Variants in RBFOX1 observed in about 807,000 individuals in gnomAD.
The protein encoded by RBFOX1 is RNA binding fox-1 homolog 1, also known as RNA binding protein fox-1 homolog 1.
In RBFOX1, 8 loss-of-function variants were observed where a neutral mutation model predicts 57.7. The observed-to-expected ratio is 0.14, with a 90% confidence interval of 0.08 to 0.25. The LOEUF (loss-of-function observed/expected upper bound fraction) is 0.25, where lower values mean the gene tolerates loss of function less well. Among genes scored for constraint, RBFOX1 ranks in the 10% least tolerant of loss-of-function variants. RBFOX1 has a pLI of 1.00. For missense variants in RBFOX1, 611 were observed against 548.5 expected (o/e 1.11, Z -1.14); for synonymous variants, 326 against 222.4 (o/e 1.47, Z -4.15).
At chr16:6,546,993 C>T (rs2096905425) in intron 2 of RBFOX1, among the ~76,000 whole-genome samples, 1 of 152,304 alleles carries the variant, frequency 6.6e-6, no homozygotes, top group East Asian at 1.9e-4. Context: ...TTTCTTGACT[C>T]AAAGTGAGCT....
chr16:6,832,206 C>T (rs2092756812), intron 3 of RBFOX1, among the ~76,000 whole-genome samples: 1 of 151,986 alleles, frequency 6.6e-6, no homozygotes, highest in Non-Finnish European at 1.5e-5. Flanking sequence ...TGTGAGGAGC[C>T]CAAGTGAATA....
rs569683180 is a variant in RBFOX1 at position 7,192,284 on chromosome 16, G to C, written c.27+140186G>C. ...TTGTGCAAGGAGAGAGAGTTTCCTT[G>C]TGAATCTGACGTTAGGGAAAATGTC... is the stretch of plus-strand genomic sequence containing the variant. On this transcript the variant is annotated intron_variant, in intron 4 of 15. Transcript: ENST00000550418. Among the ~76,000 whole-genome samples, 3 of 152,278 alleles carry C rather than the reference G, an allele frequency of 2.0e-5. No individual in the cohort carries two copies. In the South Asian group the frequency reaches 6.2e-4, roughly 32 times the overall value.
At chr16:5,999,901 AAAAAAAG>A (rs2060563701) in intron 4 of RBFOX1, among the ~76,000 whole-genome samples, 4 of 40,254 alleles carry the variant, frequency 9.9e-5, no homozygotes, top group African/African-American at 4.0e-4. Flanking sequence ...AAAAAAAAAA[AAAAAAAG>A]AGTGAAGAAG....
chr16:5,740,847 G>A (rs2052746638), intron 3 of RBFOX1, among the ~76,000 whole-genome samples: 1 of 152,130 alleles, frequency 6.6e-6, no homozygotes, highest in African/African-American at 2.4e-5. Context: ...TGTCTCTGAT[G>A]AGGATTATGT....
At chr16:7,586,334 G>T (rs773035380) in intron 6 of RBFOX1, among the ~76,000 whole-genome samples, 4 of 152,162 alleles carry the variant, frequency 2.6e-5, no homozygotes, top group Non-Finnish European at 5.9e-5. Flanking sequence ...AAGGATTTCA[G>T]ATGATCCGAT....
chr16:6,943,598 C>T (rs1433623333), intron 3 of RBFOX1, among the ~76,000 whole-genome samples: 1 of 151,610 alleles, frequency 6.6e-6, no homozygotes, highest in Non-Finnish European at 1.5e-5. Flanking sequence ...GTCCCAGCTA[C>T]TTGGGAGGCT....
chr16:5,922,871 A>T (rs1379802202), intron 4 of RBFOX1, among the ~76,000 whole-genome samples: 1 of 152,238 alleles, frequency 6.6e-6, no homozygotes, highest in East Asian at 1.9e-4. Context: ...GATTGCAACC[A>T]CTGGGCTTGG....
chr16:6,942,948 C>A (rs752695362), intron 3 of RBFOX1, among the ~76,000 whole-genome samples: 1 of 152,132 alleles, frequency 6.6e-6, no homozygotes, highest in South Asian at 2.1e-4. Flanking sequence ...TCGACATCAC[C>A]ATGTGCTTTT....
At chr16:7,501,309 C>G (rs1308047568) in intron 4 of RBFOX1, among the ~76,000 whole-genome samples, 1 of 152,194 alleles carries the variant, frequency 6.6e-6, no homozygotes, top group Non-Finnish European at 1.5e-5. Context: ...AAATTATCAG[C>G]TCTCTCTCTG....
chr16:7,274,240 C>T (rs1050724187), intron 4 of RBFOX1, among the ~76,000 whole-genome samples: 14 of 152,106 alleles, frequency 9.2e-5, no homozygotes, highest in Admixed American at 2.6e-4. Context: ...TACTATGTTC[C>T]GAGTAATGTT....
intron 3 of RBFOX1, among the ~76,000 whole-genome samples, chr16:6,751,973 C>G (rs2075010721): frequency 6.6e-6 from 1 of 152,060 alleles, no homozygotes; most frequent in African/African-American, 2.4e-5. Context: ...TGTCCTTGCC[C>G]TCAAATCAAG....
intron 2 of RBFOX1, among the ~76,000 whole-genome samples, chr16:6,493,703 C>G (rs928981973): frequency 2.6e-5 from 4 of 152,144 alleles, no homozygotes; most frequent in African/African-American, 9.7e-5. Context: ...GAACTTCATA[C>G]CTTGGGAGAT....
intron 3 of RBFOX1, among the ~76,000 whole-genome samples, chr16:6,886,979 T>A (rs1311656702): frequency 6.6e-6 from 1 of 151,734 alleles, no homozygotes; most frequent in Non-Finnish European, 1.5e-5. Flanking sequence ...TGAAAAAAAA[T>A]GCTCTTGTTC....
In RBFOX1 at chr16:7,252,695, C is replaced by CTT. The variant is rs541617900; in HGVS notation, c.27+200611_27+200612dup. Among the ~76,000 whole-genome samples, 157 of 141,482 alleles carry CTT rather than the reference C, an allele frequency of 1.1e-3. 3 individuals are homozygous for CTT. In the East Asian group the frequency reaches 0.03, roughly 27 times the overall value. The allele number at this position is 141,482 out of a possible 152,430, so 92.8% of individuals were successfully genotyped here. On this transcript the variant is annotated intron_variant, in intron 4 of 15. Transcript: ENST00000550418. ...AGACGTAACCTTTTTCATTTACATC[C>CTT]TTTTTTTTTTTTTTTAAATTTGAGT...
chr16:5,710,957 A>G (rs1324679501), intron 3 of RBFOX1, among the ~76,000 whole-genome samples: 1 of 152,222 alleles, frequency 6.6e-6, no homozygotes, highest in Non-Finnish European at 1.5e-5. Context: ...TATTAAAAAC[A>G]TATTTATTGC....
At chr16:6,094,979 G>A (rs2096226623) in intron 1 of RBFOX1, among the ~76,000 whole-genome samples, 1 of 152,170 alleles carries the variant, frequency 6.6e-6, no homozygotes, top group Admixed American at 6.5e-5. Flanking sequence ...AGAATCGCTG[G>A]AACCCGGGAG....
chr16:6,476,973 C>G (rs570913891), intron 2 of RBFOX1, among the ~76,000 whole-genome samples: 110 of 152,240 alleles, frequency 7.2e-4, no homozygotes, highest in African/African-American at 2.5e-3. Flanking sequence ...TCTGCTGATC[C>G]ATAAGAAGAA....
chr16:5,913,134 A>G (rs1417724360), intron 4 of RBFOX1, among the ~76,000 whole-genome samples: 1 of 152,182 alleles, frequency 6.6e-6, no homozygotes, highest in Non-Finnish European at 1.5e-5. Context: ...TGGTCTAGAA[A>G]TTCAGCTTGT....
chr16:6,450,769 A>G (rs59108850), intron 2 of RBFOX1, among the ~76,000 whole-genome samples: 4,646 of 19,286 alleles, frequency 0.24, 463 homozygotes, highest in African/African-American at 0.31. Context: ...ATATATGTGT[A>G]TATATATATA....
Sources: allele counts gnomAD v4.1 joint callset (sites outside exome capture counted in the v4.1 genomes callset), GRCh38; gene constraint gnomAD v4.1.1; transcripts MANE v1.5; gene names NCBI Gene and HGNC (gene_info 2026-07-23, HGNC 2026-07-21).